ERC2: variants seen among roughly 807,000 people sequenced by gnomAD.
ERC2 encodes the protein ELKS/RAB6-interacting/CAST family member 2.
ERC2 carries 42 observed loss-of-function variants against 114.8 expected under a neutral mutation model. The ratio of observed to expected loss-of-function variants is 0.37; its 90% CI spans 0.29 to 0.47. The LOEUF is 0.47. Ranked by LOEUF, ERC2 falls within the 20% of genes least tolerant of loss-of-function variation. The pLI is 0.99. For synonymous variants in ERC2, 454 were observed against 425.5 expected (o/e 1.07, Z -0.82); for missense variants, 939 against 1,150.7 (o/e 0.82, Z 2.66).
At chr3:55,890,524 A>C (rs1469862413) in intron 13 of ERC2, among the ~76,000 whole-genome samples, 1 of 152,192 alleles carries the variant, frequency 6.6e-6, no homozygotes, top group Non-Finnish European at 1.5e-5. Flanking sequence ...CTGGGTTTCC[A>C]AATCTTAGAT....
intron 14 of ERC2, among the ~76,000 whole-genome samples, chr3:55,827,007 T>C (rs2060351547): frequency 6.6e-6 from 1 of 152,210 alleles, no homozygotes; most frequent in African/African-American, 2.4e-5. Context: ...CTTTACTTCT[T>C]ACTGACAATG....
At chr3:55,869,835 T>C (rs1469584625) in intron 14 of ERC2, among the ~76,000 whole-genome samples, 1 of 151,974 alleles carries the variant, frequency 6.6e-6, no homozygotes, top group African/African-American at 2.4e-5. Context: ...GAATGCACAA[T>C]ATCCAAAGGA....
At chr3:56,310,855 G>A (rs2056494866) in intron 2 of ERC2, among the ~76,000 whole-genome samples, 1 of 151,954 alleles carries the variant, frequency 6.6e-6, no homozygotes, top group African/African-American at 2.4e-5. Flanking sequence ...GTAGTCACAT[G>A]AAGGTGTGAG....
chr3:56,154,549 T>C (rs963784760), intron 4 of ERC2, among the ~76,000 whole-genome samples: 7 of 152,174 alleles, frequency 4.6e-5, no homozygotes, highest in African/African-American at 1.7e-4. Context: ...TGAGCAGATG[T>C]GTCTCTAGTG....
chr3:55,817,548 C>A (rs928085643), intron 14 of ERC2, among the ~76,000 whole-genome samples: 1 of 152,190 alleles, frequency 6.6e-6, no homozygotes. Flanking sequence ...ATAAGAATAA[C>A]CCTGAATTGA....
At chr3:56,294,402 G>A (rs1220275075) in intron 3 of ERC2, among the ~76,000 whole-genome samples, 1 of 152,232 alleles carries the variant, frequency 6.6e-6, no homozygotes, top group Non-Finnish European at 1.5e-5. Context: ...CTTATCTGAA[G>A]CTCGACTGGG....
At position 55,583,404 on chromosome 3, in the gene ERC2, T is replaced by C. The variant is rs946109950; in HGVS notation, c.*40-72128A>G. Among the ~76,000 whole-genome samples the C allele has an allele frequency of 9.2e-5, 7 of 75,742 alleles. No homozygotes were observed. In the East Asian group the frequency reaches 2.1e-3, roughly 23 times the overall value. The allele number at this position is 75,742 out of a possible 152,430, so 49.7% of individuals were successfully genotyped here. The stretch of plus-strand genomic sequence containing the variant: ...CTTCTTTCTTTCCTTCCTTCTTTCC[T>C]TCCTTCCTTCCTTCCTTCCTTCCTT... On this transcript the variant is annotated intron_variant, in intron 17 of 17. Transcript: ENST00000288221.
chr3:56,220,562 T>A (rs998605797), intron 3 of ERC2, among the ~76,000 whole-genome samples: 5 of 152,210 alleles, frequency 3.3e-5, no homozygotes, highest in Admixed American at 3.3e-4. Flanking sequence ...AGCTGTCTCA[T>A]CAGTCAGCAA....
intron 3 of ERC2, among the ~76,000 whole-genome samples, chr3:56,209,248 C>T (rs1201837112): frequency 2.6e-5 from 4 of 152,130 alleles, no homozygotes; most frequent in Non-Finnish European, 5.9e-5. Context: ...ACCCCTGCTC[C>T]ACCTCCCATC....
chr3:55,722,880 T>C (rs1418993595), intron 15 of ERC2, among the ~76,000 whole-genome samples: 1 of 152,212 alleles, frequency 6.6e-6, no homozygotes, highest in African/African-American at 2.4e-5. Context: ...TTTAAATATT[T>C]ACGAATGTCA....
chr3:55,748,568 C>T (rs543498270), intron 14 of ERC2, among the ~76,000 whole-genome samples: 1 of 152,198 alleles, frequency 6.6e-6, no homozygotes. Context: ...CCTTCTATTA[C>T]CATCATGAGC....
chr3:56,351,605 T>C (rs1398498203), intron 2 of ERC2, among the ~76,000 whole-genome samples: 1 of 152,124 alleles, frequency 6.6e-6, no homozygotes, highest in Non-Finnish European at 1.5e-5. Context: ...AGAACCACAC[T>C]TGAAGTGACA....
At chr3:56,349,891 C>T (rs2058483583) in intron 2 of ERC2, among the ~76,000 whole-genome samples, 3 of 145,820 alleles carry the variant, frequency 2.1e-5, no homozygotes, top group South Asian at 2.1e-4. Flanking sequence ...CCAGCCTGGG[C>T]GAGACAGCAA....
At chr3:56,403,927 G>A (rs1414471052) in intron 2 of ERC2, among the ~76,000 whole-genome samples, 1 of 152,182 alleles carries the variant, frequency 6.6e-6, no homozygotes, top group Non-Finnish European at 1.5e-5. Context: ...TGGATACCAT[G>A]CTGCTTTCAA....
intron 2 of ERC2, among the ~76,000 whole-genome samples, chr3:56,348,907 A>AGAAGGAAGGAAG (rs1358863890): frequency 2.9e-4 from 10 of 34,934 alleles, no homozygotes; most frequent in African/African-American, 7.0e-4. Context: ...AAGGAAGGAA[A>AGAAGGAAGGAAG]GAAGGAAGGA....
At chr3:55,676,462 A>G (rs1438743661) in intron 17 of ERC2, among the ~76,000 whole-genome samples, 1 of 148,988 alleles carries the variant, frequency 6.7e-6, no homozygotes, top group Non-Finnish European at 1.5e-5. Flanking sequence ...TATTATTATT[A>G]TTATTATTAT....
intron 17 of ERC2, among the ~76,000 whole-genome samples, chr3:55,549,477 CTTTTTTTT>C (rs11404043): frequency 8.1e-6 from 1 of 123,226 alleles, no homozygotes; most frequent in African/African-American, 3.0e-5. Flanking sequence ...GCCGCCTTAC[CTTTTTTTT>C]TTTTTTTTTT....
intron 14 of ERC2, among the ~76,000 whole-genome samples, chr3:55,790,378 C>A (rs2069899189): frequency 6.6e-6 from 1 of 152,146 alleles, no homozygotes; most frequent in Admixed American, 6.6e-5. Context: ...ATACAGTAAT[C>A]ATAGTTAAGA....
At position 55,891,057 on chromosome 3, in the gene ERC2, C is replaced by T. The variant is rs74984595; in HGVS notation, c.2404-2508G>A. ...GGCCTTAGAAAGCAAAAAATATCTC[C>T]CCTGCTGGGGTGATCATTAGGGTGG... On this transcript the variant is annotated intron_variant, in intron 13 of 17. Transcript: ENST00000288221. Among the ~76,000 whole-genome samples, 574 of 152,312 alleles carry T rather than the reference C, an allele frequency of 3.8e-3. 3 individuals carry two copies. The highest frequency in any genetic ancestry group is 0.013 in the African/African-American group (547 of 41,558).
Sources: allele counts gnomAD v4.1 joint callset (sites outside exome capture counted in the v4.1 genomes callset), GRCh38; gene constraint gnomAD v4.1.1; transcripts MANE v1.5; gene names NCBI Gene and HGNC (gene_info 2026-07-23, HGNC 2026-07-21).